PIKFYVE: variants seen among roughly 807,000 people sequenced by gnomAD.
The protein encoded by PIKFYVE is 1-phosphatidylinositol 3-phosphate 5-kinase.
A neutral mutation model predicts 257.9 loss-of-function variants in PIKFYVE; 122 were observed. That is an observed-to-expected ratio of 0.47 (90% CI 0.41 to 0.55). The LOEUF (loss-of-function observed/expected upper bound fraction) is 0.55. Among genes scored for constraint, PIKFYVE ranks in the 20% least tolerant of loss-of-function variants. PIKFYVE has a pLI of 0.00. For missense variants in PIKFYVE, 2,160 were observed against 2,536.6 expected, an observed-to-expected ratio of 0.85 and a Z score of 3.19; for synonymous variants, 892 against 868.9, an observed-to-expected ratio of 1.03 and a Z score of -0.47.
rs1474901336 is a variant in PIKFYVE at position 208,325,564 on chromosome 2, C to T, written c.2753C>T (p.Pro918Leu). ...TCCATCCCCTGGGATCCTGACATCC[C>T]TCCTGAGTCTCTGCCCTGTGATGAT... is the stretch of plus-strand genomic sequence containing the variant. ...GGSIPWDPDI[P>L]PESLPCDDSS... The change falls in exon 20 of 42, where the codon CCT becomes CTT. Residue 918 changes from proline (P) to leucine (L), a missense_variant. Around this residue, in one of 12 missense-constraint regions of PIKFYVE, gnomAD observed 522 missense variants for 514.6 expected, o/e 1.01. Transcript: ENST00000264380. 5.0e-6 allele frequency: 8 copies of T among 1,614,012 alleles called. No homozygotes were observed. Among genetic ancestry groups the T allele is most frequent in the African/African-American group, 4.0e-5 (3 of 74,928 alleles).
At chr2:208,335,945 T>C in intron 26 of PIKFYVE, 44 bp downstream of exon 26, 1 of 1,574,982 alleles carries the variant, frequency 6.3e-7, no homozygotes, top group Non-Finnish European at 8.7e-7. Context: ...TAATTATTGA[T>C]TAAAAATTAT....
chr2:208,337,148 T>C (rs146553805), intron 28 of PIKFYVE, among the ~76,000 whole-genome samples: 4 of 152,296 alleles, frequency 2.6e-5, no homozygotes, highest in African/African-American at 9.6e-5. Flanking sequence ...TTTGAAATGT[T>C]TATAAAAGCT....
At chr2:208,343,868 G>C (rs1427268024) in intron 32 of PIKFYVE, among the ~76,000 whole-genome samples, 2 of 147,658 alleles carry the variant, frequency 1.4e-5, no homozygotes, top group African/African-American at 5.0e-5. Context: ...GTCTTTCTCA[G>C]TTGCCCAGGC....
At chr2:208,275,145 A>G (rs1689941160) in intron 3 of PIKFYVE, among the ~76,000 whole-genome samples, 1 of 152,218 alleles carries the variant, frequency 6.6e-6, no homozygotes, top group Non-Finnish European at 1.5e-5. Flanking sequence ...TAATTCTATA[A>G]TTTACTAGCT....
chr2:208,287,801 T>C (rs1442457826), intron 6 of PIKFYVE, among the ~76,000 whole-genome samples: 1 of 152,048 alleles, frequency 6.6e-6, no homozygotes, highest in Non-Finnish European at 1.5e-5. Context: ...GGTTTTGCCA[T>C]GTTGGCCAGG....
At chr2:208,323,897 A>G (rs1366009909) in intron 17 of PIKFYVE, among the ~76,000 whole-genome samples, 2 of 152,198 alleles carry the variant, frequency 1.3e-5, no homozygotes, top group African/African-American at 4.8e-5. Context: ...TGTTGGGTGC[A>G]TAAATGTCTT....
Position 208,315,320 on chromosome 2 carries a change from G to A in PIKFYVE, c.1954G>A (p.Val652Ile), listed in dbSNP as rs145916346. 374 of 1,614,188 alleles carry A rather than the reference G, an allele frequency of 2.3e-4. 3 individuals carry two copies. In the South Asian group the frequency reaches 2.8e-3, roughly 12 times the overall value. Residue 652 changes from valine (V) to isoleucine (I), a missense_variant, in exon 15 of 42, where the codon GTC (valine) becomes ATC (isoleucine). Physicochemically the swap from Val to Ile is conservative, Grantham distance 29 (BLOSUM62 3). Transcript: ENST00000264380. ...GGTTGTTCAGACAGTCCGACCTGATGTCAAGAACCAGGATGATGACATGGA... is the reference window on the plus strand; with the variant it reads ...GGTTGTTCAGACAGTCCGACCTGATATCAAGAACCAGGATGATGACATGGA... ...CQVVQTVRPDVKNQDDDMDIR... is the reference protein window; with the variant it reads ...CQVVQTVRPDIKNQDDDMDIR...
At chr2:208,345,015 T>C in intron 32 of PIKFYVE, 96 bp from the exon 33 acceptor site, 1 of 847,478 alleles carries the variant, frequency 1.2e-6, no homozygotes, top group Non-Finnish European at 2.0e-6. Flanking sequence ...GTATAATGAT[T>C]GTGCTTCTAT....
Position 208,288,780 on chromosome 2 carries a change from T to G in PIKFYVE, c.873T>G (p.Ser291=). The G allele has an allele frequency of 6.2e-7, 1 of 1,614,112 alleles. No homozygotes were observed. Among genetic ancestry groups the G allele is most frequent in the Non-Finnish European group, 8.5e-7 (1 of 1,179,982 alleles). ...CTCCTCTTTCAACAAGACTTGTATC[T>G]GTGCAAGAGGATGCTGGGAAATCTC... ...SNTPLSTRLV[S]VQEDAGKSPA... is the part of the protein sequence containing the mutation. Residue 291 remains serine, a synonymous_variant, in exon 7 of 42, where the codon TCT becomes TCG. Coordinates refer to ENST00000264380, the MANE Select transcript of PIKFYVE (RefSeq NM_015040.4).
At chr2:208,288,324 C>T (rs1475856466) in intron 6 of PIKFYVE, among the ~76,000 whole-genome samples, 1 of 152,120 alleles carries the variant, frequency 6.6e-6, no homozygotes, top group Non-Finnish European at 1.5e-5. Context: ...GAGGTCGAGC[C>T]TGCACTTGGA....
intron 12 of PIKFYVE, among the ~76,000 whole-genome samples, chr2:208,308,012 ATG>A (rs1432130886): frequency 6.6e-6 from 1 of 152,368 alleles, no homozygotes; most frequent in East Asian, 1.9e-4. Flanking sequence ...GTTACAAAGT[ATG>A]TATAAAATAT....
intron 12 of PIKFYVE, among the ~76,000 whole-genome samples, chr2:208,307,799 T>A (rs973452640): frequency 1.3e-5 from 2 of 152,174 alleles, no homozygotes; most frequent in African/African-American, 4.8e-5. Flanking sequence ...ATACTATCTT[T>A]GTTGATGTTA....
At chr2:208,278,324 T>A (rs1030321143) in intron 5 of PIKFYVE, among the ~76,000 whole-genome samples, 6 of 152,164 alleles carry the variant, frequency 3.9e-5, no homozygotes, top group Non-Finnish European at 5.9e-5. Flanking sequence ...TACTACAGAG[T>A]TCAGAATCCC....
chr2:208,316,382 G>T (rs997765290), intron 15 of PIKFYVE, among the ~76,000 whole-genome samples: 18 of 152,082 alleles, frequency 1.2e-4, no homozygotes, highest in African/African-American at 4.3e-4. Flanking sequence ...AGTCCTTTGG[G>T]TATATACCCA....
intron 3 of PIKFYVE, 22 bp from the exon 4 acceptor site, chr2:208,276,689 GC>G (rs1690152441): frequency 1.3e-6 from 2 of 1,539,536 alleles, no homozygotes; most frequent in Middle Eastern, 1.7e-4. Flanking sequence ...TAACAAGGTT[GC>G]TTTTTTTTTA....
chr2:208,313,581 ATTTT>A (rs35491714), intron 13 of PIKFYVE, among the ~76,000 whole-genome samples: 1 of 127,738 alleles, frequency 7.8e-6, no homozygotes. Flanking sequence ...TCAGTTTGTG[ATTTT>A]TTTTTTTTTT....
At chr2:208,340,644 C>T (rs1399483272) in intron 31 of PIKFYVE, among the ~76,000 whole-genome samples, 9 of 152,200 alleles carry the variant, frequency 5.9e-5, no homozygotes, top group Admixed American at 5.9e-4. Context: ...CTATCAAATG[C>T]TGCCCTTGTT....
At chr2:208,319,485 T>A (rs1235191252) in intron 16 of PIKFYVE, among the ~76,000 whole-genome samples, 1 of 152,170 alleles carries the variant, frequency 6.6e-6, no homozygotes, top group African/African-American at 2.4e-5. Context: ...TGTATGTGGG[T>A]GTGGTGGAAA....
chr2:208,325,654 A>C lies in PIKFYVE; in HGVS notation c.2843A>C (p.Gln948Pro), dbSNP rs144503001. The change falls in exon 20 of 42, where the codon CAG (glutamine) becomes CCG (proline). Residue 948 changes from glutamine (Q) to proline (P), a missense_variant. Coordinates refer to ENST00000264380, the MANE Select transcript of PIKFYVE (RefSeq NM_015040.4). ...KGEQENKNLP[Q>P]AVASVKHQEH... ...GAGCAGGAAAATAAAAATCTTCCGC[A>C]GGCTGTTGCCTCTGTGAAGCATCAA... 8.1e-6 allele frequency: 13 copies of C among 1,614,138 alleles called. No homozygotes were observed. The African/African-American group carries it at 1.2e-4, about 15-fold the overall frequency.
Sources: allele counts gnomAD v4.1 joint callset (sites outside exome capture counted in the v4.1 genomes callset), GRCh38; gene constraint gnomAD v4.1.1; regional missense constraint gnomAD v4.1.1; transcripts MANE v1.5; gene names NCBI Gene and HGNC (gene_info 2026-07-23, HGNC 2026-07-21).